Variants in USH2A observed in about 807,000 individuals in gnomAD.
USH2A encodes Usher syndrome 2A (autosomal recessive, mild).
A neutral mutation model predicts 538.9 loss-of-function variants in USH2A; 443 were observed. That is an observed-to-expected ratio of 0.82 (90% CI 0.76 to 0.89). The LOEUF (loss-of-function observed/expected upper bound fraction) is 0.89, where lower values mean the gene tolerates loss of function less well. Ranked by LOEUF, USH2A falls within the 40% of genes least tolerant of loss-of-function variation. The pLI, the probability that USH2A is intolerant of heterozygous loss-of-function variation, is 0.00. For synonymous variants in USH2A, 2,413 were observed against 2,273.5 expected (o/e 1.06, Z -1.75); for missense variants, 6,633 against 6,324.8 (o/e 1.05, Z -1.65).
chr1:216,127,039 A>G (rs2033268962), intron 21 of USH2A, among the ~76,000 whole-genome samples: 1 of 152,216 alleles, frequency 6.6e-6, no homozygotes, highest in South Asian at 2.1e-4. Context: ...GGATACAACT[A>G]TCTTAGCTAT....
At chr1:216,124,851 G>C (rs560021208) in intron 21 of USH2A, among the ~76,000 whole-genome samples, 122 of 152,178 alleles carry the variant, frequency 8.0e-4, no homozygotes, top group Non-Finnish European at 9.9e-4. Flanking sequence ...TGTAAAGAAG[G>C]GTTTTTCATG....
At position 215,639,205 on chromosome 1, in the gene USH2A, T is replaced by G. The variant is rs1558033265; in HGVS notation, c.15002A>C (p.Glu5001Ala). Residue 5001 changes from glutamate to alanine, a missense_variant, in exon 69 of 72, where the codon GAA (glutamate) becomes GCA (alanine). Physicochemically the swap from Glu to Ala is moderately radical, Grantham distance 107. Transcript: ENST00000307340. Reference protein sequence around the residue: ...FFFQVICTTDEGSVKTPLIQY... With the variant: ...FFFQVICTTDAGSVKTPLIQY... ...GATCAACGGCGTCTTAACACTTCCTTCGTCAGTCGTGCAGATGACCTGGAA... is the reference window on the plus strand; with the variant it reads ...GATCAACGGCGTCTTAACACTTCCTGCGTCAGTCGTGCAGATGACCTGGAA... 3.1e-6 allele frequency: 5 copies of G among 1,614,148 alleles called. No homozygotes were observed. Among genetic ancestry groups the G allele is most frequent in the Non-Finnish European group, 4.2e-6 (5 of 1,180,016 alleles).
At chr1:216,093,351 C>A (rs1269624491) in intron 22 of USH2A, among the ~76,000 whole-genome samples, 1 of 152,134 alleles carries the variant, frequency 6.6e-6, no homozygotes, top group Admixed American at 6.5e-5. Flanking sequence ...GACAGAGCAA[C>A]TGGGAAAACT....
chr1:216,070,004 A>G, intron 30 of USH2A, 97 bp downstream of exon 30: 1 of 1,395,424 alleles, frequency 7.2e-7, no homozygotes, highest in East Asian at 2.5e-5. Flanking sequence ...TGTATATTTA[A>G]TACATTTTTC....
At chr1:216,377,856 AAAGAAAGAAAG>A (rs1257050825) in intron 3 of USH2A, among the ~76,000 whole-genome samples, 1 of 121,288 alleles carries the variant, frequency 8.2e-6, no homozygotes, top group South Asian at 3.0e-4. Flanking sequence ...AGAAAGAAAG[AAAGAAAGAAAG>A]AAGGAAAGAA....
rs1236497272 is a variant in USH2A, at chr1:215,625,659, T to C, written c.*122A>G. 1.1e-5 allele frequency: 10 copies of C among 912,040 alleles called. No individual in the cohort carries two copies. The highest frequency in any genetic ancestry group is 1.4e-5 in the South Asian group (1 of 71,418). The allele number at this position is 912,040 out of a possible 1,614,324, so 56.5% of individuals were successfully genotyped here. ...CACTTTCAAAAACAGTCATCATTTC[T>C]TTAAAGAATTATAGGATAATAAACA... On this transcript the variant is annotated 3_prime_UTR_variant, in exon 72 of 72. Transcript: ENST00000307340.
intron 4 of USH2A, among the ~76,000 whole-genome samples, chr1:216,363,549 A>T (rs1178341298): frequency 6.6e-6 from 1 of 152,154 alleles, no homozygotes; most frequent in Non-Finnish European, 1.5e-5. Context: ...ATCTATGTAT[A>T]TGATTGATAG....
At chr1:215,645,756 A>C (rs1167274590) in intron 67 of USH2A, among the ~76,000 whole-genome samples, 1 of 152,216 alleles carries the variant, frequency 6.6e-6, no homozygotes, top group African/African-American at 2.4e-5. Context: ...ATCTGACATA[A>C]TCTTTCTTGA....
intron 43 of USH2A, among the ~76,000 whole-genome samples, chr1:215,875,127 G>A (rs11120683): frequency 0.19 from 28,631 of 152,072 alleles, 2,845 homozygotes; most frequent in East Asian, 0.33. Flanking sequence ...TATCCTGCCC[G>A]CCAGGGGATC....
chr1:215,947,678 A>G (rs1296948892), intron 37 of USH2A, among the ~76,000 whole-genome samples: 2 of 152,206 alleles, frequency 1.3e-5, no homozygotes, highest in African/African-American at 4.8e-5. Context: ...GTGTTACAAG[A>G]AGGAGTGCGT....
At chr1:216,411,810 C>T (rs141766702) in intron 3 of USH2A, among the ~76,000 whole-genome samples, 40 of 152,238 alleles carry the variant, frequency 2.6e-4, no homozygotes, top group Middle Eastern at 3.4e-3. Flanking sequence ...AGCTTTCTAG[C>T]CTCCAGAACT....
rs539122834 is a variant in USH2A at position 216,092,901 on chromosome 1, A to G, written c.4759-3762T>C. ...ACCTTATGGAGAGAGATTATTTCAG[A>G]TAAAAATTTACTTACTAGACATCAT... On this transcript the variant is annotated intron_variant, in intron 22 of 71. Transcript: ENST00000307340. 4.6e-5 allele frequency among the ~76,000 whole-genome samples: 7 copies of G among 152,246 alleles called. No individual in the cohort carries two copies. In the East Asian group the frequency reaches 1.2e-3, roughly 25 times the overall value.
In USH2A at chr1:215,965,573, G is replaced by A. The variant is rs1038824823; in HGVS notation, c.6958-94C>T. 7.6e-5 allele frequency: 111 copies of A among 1,454,980 alleles called. No individual in the cohort carries two copies. The African/African-American group carries it at 1.5e-3, about 19-fold the overall frequency. 90.1% of individuals were successfully genotyped at this position (1,454,980 alleles called of 1,614,324 possible). Reference sequence around the variant, plus strand: ...TCTTCAAAGAATCTCTTTTTGCTGTGAAGTAAACTATTTTGACAGTAGCAT... The same window carrying A: ...TCTTCAAAGAATCTCTTTTTGCTGTAAAGTAAACTATTTTGACAGTAGCAT... On this transcript the variant is annotated intron_variant, in intron 36 of 71. Transcript: ENST00000307340.
chr1:215,943,631 A>G (rs1250823067), intron 37 of USH2A, among the ~76,000 whole-genome samples: 1 of 152,190 alleles, frequency 6.6e-6, no homozygotes, highest in South Asian at 2.1e-4. Context: ...CCAGTGAAAC[A>G]ATGGCTCACA....
At chr1:216,034,537 A>G (rs776622325) in intron 32 of USH2A, among the ~76,000 whole-genome samples, 22 of 152,184 alleles carry the variant, frequency 1.4e-4, no homozygotes, top group Non-Finnish European at 2.6e-4. Context: ...TTGAGGTCAT[A>G]CTGAAAGACG....
At chr1:215,718,082 T>C (rs1659537061) in intron 61 of USH2A, among the ~76,000 whole-genome samples, 1 of 152,168 alleles carries the variant, frequency 6.6e-6, no homozygotes, top group African/African-American at 2.4e-5. Context: ...AGTCCATAGA[T>C]ATGATCAAAA....
intron 13 of USH2A, among the ~76,000 whole-genome samples, chr1:216,233,504 A>G (rs1188234297): frequency 2.0e-5 from 3 of 152,054 alleles, no homozygotes; most frequent in Non-Finnish European, 2.9e-5. Context: ...TGCTTCATTC[A>G]TCATTGTCTC....
intron 16 of USH2A, among the ~76,000 whole-genome samples, chr1:216,205,820 A>G (rs1402409114): frequency 6.6e-6 from 1 of 152,204 alleles, no homozygotes; most frequent in Non-Finnish European, 1.5e-5. Flanking sequence ...CAGAGAAGAT[A>G]GAGCTGGAAT....
At chr1:215,856,775 G>T (rs759142082) in intron 44 of USH2A, among the ~76,000 whole-genome samples, 1 of 151,848 alleles carries the variant, frequency 6.6e-6, no homozygotes, top group Non-Finnish European at 1.5e-5. Flanking sequence ...GTTCACAATT[G>T]TGAAAACATG....
Sources: gnomAD v4.1 joint callset for allele counts (sites outside exome capture counted in the v4.1 genomes callset) on GRCh38, gnomAD v4.1.1 for gene constraint, MANE v1.5 for transcripts, NCBI Gene and HGNC (gene_info 2026-07-23, HGNC 2026-07-21) for gene names.